CFH: variants seen among roughly 807,000 people sequenced by gnomAD.
The protein encoded by CFH is complement factor H.
CFH carries 53 observed loss-of-function variants against 147.3 expected under a neutral mutation model. That is an observed-to-expected ratio of 0.36 (90% confidence interval 0.29 to 0.45). The LOEUF (loss-of-function observed/expected upper bound fraction) is 0.45, where lower values mean the gene tolerates loss of function less well. CFH is among the 20% of genes least tolerant of loss of function. The pLI is 1.00. For missense variants in CFH, 1,380 were observed against 1,498.0 expected, an observed-to-expected ratio of 0.92 and a Z score of 1.30; for synonymous variants, 536 against 489.4, an observed-to-expected ratio of 1.10 and a Z score of -1.26.
Position 196,652,491 on chromosome 1 carries a change from G to A in CFH, c.58+316G>A, listed in dbSNP as rs1327867848. Among the ~76,000 whole-genome samples, 7 of 151,660 alleles carry A rather than the reference G, an allele frequency of 4.6e-5. No homozygotes were observed. In the South Asian group the frequency reaches 6.3e-4, roughly 14 times the overall value. ...AAAATGTAATTTACTTTTTTGCTTA[G>A]GAGTATAACCAAAATGTATTATGTG... On this transcript the variant is annotated intron_variant, in intron 1 of 21. Transcript: ENST00000367429.
At chr1:196,674,065 A>G (rs1351622957) in intron 3 of CFH, 103 bp downstream of exon 3, 1 of 790,938 alleles carries the variant, frequency 1.3e-6, no homozygotes, top group Non-Finnish European at 2.1e-6. Context: ...TGAGCATTTA[A>G]AAAAGTAATA....
chr1:196,663,324 A>C (rs967819622), intron 1 of CFH, among the ~76,000 whole-genome samples: 1 of 152,078 alleles, frequency 6.6e-6, no homozygotes, highest in Non-Finnish European at 1.5e-5. Context: ...CCTCCTGTCC[A>C]CGAATTCTTT....
At chr1:196,669,397 A>C (rs1667201300) in intron 1 of CFH, among the ~76,000 whole-genome samples, 1 of 152,192 alleles carries the variant, frequency 6.6e-6, no homozygotes, top group South Asian at 2.1e-4. Flanking sequence ...GTGATCTTTA[A>C]GGCAGCCTCT....
chr1:196,690,286 T>A, intron 9 of CFH, 47 bp downstream of exon 9: 1 of 1,606,938 alleles, frequency 6.2e-7, no homozygotes, highest in Non-Finnish European at 8.5e-7. Context: ...TCTTTCTAAG[T>A]AACATAGATG....
chr1:196,664,676 TCTTA>T (rs1400197417), intron 1 of CFH, among the ~76,000 whole-genome samples: 1 of 152,178 alleles, frequency 6.6e-6, no homozygotes, highest in Non-Finnish European at 1.5e-5. Flanking sequence ...TGACTTTCCT[TCTTA>T]CTATTATAAA....
Position 196,682,585 on chromosome 1 carries a change from T to A in CFH, c.791-2479T>A, listed in dbSNP as rs149842538. 2.9e-3 allele frequency among the ~76,000 whole-genome samples: 438 copies of A among 151,544 alleles called. 2 individuals are homozygous for A. The highest frequency in any genetic ancestry group is 0.021 in the East Asian group (106 of 5,152). ...TTCAAAAATTGGTATTAAATTGAGC[T>A]ATATCATAAGGAAAAATAATTGAAG... On this transcript the variant is annotated intron_variant, in intron 6 of 21. Transcript: ENST00000367429.
chr1:196,653,616 A>C (rs1277717269), intron 1 of CFH, among the ~76,000 whole-genome samples: 1 of 152,028 alleles, frequency 6.6e-6, no homozygotes, highest in Non-Finnish European at 1.5e-5. Flanking sequence ...TAAACAGTTT[A>C]AGTTATTAAA....
At chr1:196,746,132 A>G in intron 21 of CFH, 133 bp downstream of exon 21, 2 of 1,529,158 alleles carry the variant, frequency 1.3e-6, no homozygotes, top group Non-Finnish European at 1.8e-6. Flanking sequence ...TATTTCTGTC[A>G]GAAAGTAAAG....
At chr1:196,710,354 C>T (rs1157134747) in intron 9 of CFH, among the ~76,000 whole-genome samples, 1 of 152,100 alleles carries the variant, frequency 6.6e-6, no homozygotes, top group Non-Finnish European at 1.5e-5. Flanking sequence ...AAACAGTGGG[C>T]ATGTGAACCT....
At chr1:196,734,396 T>C (rs1669351485) in intron 15 of CFH, among the ~76,000 whole-genome samples, 5 of 152,014 alleles carry the variant, frequency 3.3e-5, no homozygotes. Flanking sequence ...AGCTCTTTAT[T>C]TTACCCCCAG....
chr1:196,714,643 A>G (rs2878647), intron 10 of CFH, among the ~76,000 whole-genome samples: 11 of 31,270 alleles, frequency 3.5e-4, no homozygotes, highest in Middle Eastern at 0.02. Context: ...ATGTATATAT[A>G]TATATATATA....
At chr1:196,659,772 G>T (rs1024170537) in intron 1 of CFH, among the ~76,000 whole-genome samples, 3 of 152,206 alleles carry the variant, frequency 2.0e-5, no homozygotes, top group African/African-American at 7.2e-5. Context: ...ACCTGTTTTG[G>T]ATAATCCTCA....
At chr1:196,730,345 T>C (rs1160225209) in intron 15 of CFH, among the ~76,000 whole-genome samples, 5 of 151,908 alleles carry the variant, frequency 3.3e-5, no homozygotes, top group African/African-American at 1.2e-4. Context: ...CCTATGATTG[T>C]TTCAGAGCAT....
chr1:196,714,031 AC>A, intron 10 of CFH, 114 bp downstream of exon 10: 1 of 917,112 alleles, frequency 1.1e-6, no homozygotes, highest in Non-Finnish European at 1.7e-6. Flanking sequence ...AGAAAAAAAA[AC>A]CTGCAGGAAC....
Position 196,742,089 on chromosome 1 carries a change from T to C in CFH, c.3133+38T>C, listed in dbSNP as rs1250768607. The C allele has an allele frequency of 5.6e-6, 9 of 1,602,828 alleles. No individual in the cohort carries two copies. In the African/African-American group the frequency reaches 1.2e-4, roughly 22 times the overall value. On this transcript the variant is annotated intron_variant, in intron 19 of 21. Coordinates refer to ENST00000367429, the MANE Select transcript of CFH (RefSeq NM_000186.4). Reference sequence around the variant, plus strand: ...ATTTTCAAAATTTATTTATATAATGTGTGGGCCCAGCCCAGTGGCTGGCGC... The same window carrying C: ...ATTTTCAAAATTTATTTATATAATGCGTGGGCCCAGCCCAGTGGCTGGCGC...
intron 2 of CFH, 68 bp from the exon 3 acceptor site, chr1:196,673,789 C>T (rs1480189289): frequency 2.1e-6 from 2 of 931,282 alleles, no homozygotes; most frequent in South Asian, 1.3e-5. Flanking sequence ...ATACTTGTTC[C>T]CCCACTCCTA....
chr1:196,654,068 A>T (rs1225428974), intron 1 of CFH, among the ~76,000 whole-genome samples: 1 of 152,102 alleles, frequency 6.6e-6, no homozygotes, highest in Non-Finnish European at 1.5e-5. Context: ...ATATCTAAAA[A>T]ATTTTTACTT....
rs1478521018 is a variant in CFH, at chr1:196,720,810, G to A, written c.1697-4311G>A. On this transcript the variant is annotated intron_variant, in intron 11 of 21. Transcript: ENST00000367429. ...TTGATATGATAATTGATTTCCTTTGGGTAGATACACAGTAGTGGGATTGCT... is the reference window on the plus strand; with the variant it reads ...TTGATATGATAATTGATTTCCTTTGAGTAGATACACAGTAGTGGGATTGCT... Among the ~76,000 whole-genome samples, 3 of 151,736 alleles carry A rather than the reference G, an allele frequency of 2.0e-5. No individual in the cohort carries two copies. The East Asian group carries it at 5.8e-4, about 29-fold the overall frequency.
chr1:196,692,766 C>CCCTTCCTT (rs1668093198), intron 9 of CFH, among the ~76,000 whole-genome samples: 1 of 32,692 alleles, frequency 3.1e-5, no homozygotes, highest in Non-Finnish European at 5.6e-5. Flanking sequence ...TTCTTTCTTT[C>CCCTTCCTT]TTTCTTTCTT....
Sources: allele counts gnomAD v4.1 joint callset (sites outside exome capture counted in the v4.1 genomes callset), GRCh38; gene constraint gnomAD v4.1.1; transcripts MANE v1.5; gene names NCBI Gene and HGNC (gene_info 2026-07-23, HGNC 2026-07-21).